The following TTLL5 variants were observed in gnomAD, a reference collection of about 807,000 sequenced individuals.
TTLL5 encodes tubulin tyrosine ligase like 5.
A neutral mutation model predicts 168.4 loss-of-function variants in TTLL5; 132 were observed. The observed-to-expected ratio is 0.78, with a 90% CI of 0.68 to 0.91. The LOEUF is 0.91. Ranked by LOEUF, TTLL5 falls within the 40% of genes least tolerant of loss-of-function variation. The pLI, the probability that TTLL5 is intolerant of heterozygous loss-of-function variation, is 0.00. For missense variants in TTLL5, 1,545 were observed against 1,581.5 expected, an observed-to-expected ratio of 0.98 and a Z score of 0.39; for synonymous variants, 546 against 558.6, an observed-to-expected ratio of 0.98 and a Z score of 0.32.
Position 75,820,042 on chromosome 14 carries a change from C to T in TTLL5, c.3207C>T (p.Asn1069=). 1 of 1,606,410 alleles carries T rather than the reference C, an allele frequency of 6.2e-7. No homozygotes were observed. Among genetic ancestry groups the T allele is most frequent in the South Asian group, 1.1e-5 (1 of 89,734 alleles). ...TNLNLATGII[N]RSSASAPPTL... ...TGAATTTGGCAACTGGCATCATAAA[C>T]AGAAGCAGTGCTTCAGCTCCCCCAA... is the stretch of plus-strand genomic sequence containing the variant. Residue 1069 remains asparagine, a synonymous_variant, in exon 28 of 32, where the codon AAC becomes AAT. Coordinates refer to ENST00000298832, the MANE Select transcript of TTLL5 (RefSeq NM_015072.5).
chr14:75,807,195 C>T (rs954296977), intron 27 of TTLL5, among the ~76,000 whole-genome samples: 7 of 152,138 alleles, frequency 4.6e-5, no homozygotes, highest in Non-Finnish European at 1.5e-5. Context: ...CTCCTATAAT[C>T]CCAGCACTTT....
intron 6 of TTLL5, among the ~76,000 whole-genome samples, chr14:75,692,766 G>T (rs948816946): frequency 1.2e-4 from 19 of 152,198 alleles, no homozygotes; most frequent in Admixed American, 3.9e-4. Flanking sequence ...TTTAACCAGG[G>T]AATGTAACCA....
At chr14:75,713,796 C>A (rs1024465579) in intron 9 of TTLL5, among the ~76,000 whole-genome samples, 2 of 152,154 alleles carry the variant, frequency 1.3e-5, no homozygotes, top group Middle Eastern at 3.2e-3. Flanking sequence ...GAGGCTTGAA[C>A]ATGTAGATTT....
At position 75,865,505 on chromosome 14, in the gene TTLL5, A is replaced by G. The variant is rs192166383; in HGVS notation, c.3522+1643A>G. Among the ~76,000 whole-genome samples, 240 of 152,142 alleles carry G rather than the reference A, an allele frequency of 1.6e-3. 1 individual carries two copies. The highest frequency in any genetic ancestry group is 5.6e-3 in the African/African-American group (232 of 41,512). On this transcript the variant is annotated intron_variant, in intron 29 of 31. Transcript: ENST00000298832. Reference sequence around the variant, plus strand: ...ATTTACCTTCATAACAAACCTGAGCATGCACCCCTGAGCCTAAAATACAAG... The same window carrying G: ...ATTTACCTTCATAACAAACCTGAGCGTGCACCCCTGAGCCTAAAATACAAG...
chr14:75,926,387 CATT>C (rs1352505632), intron 31 of TTLL5, among the ~76,000 whole-genome samples: 1 of 151,946 alleles, frequency 6.6e-6, no homozygotes, highest in African/African-American at 2.4e-5. Context: ...TTGATCCTGT[CATT>C]ATGATGTTAG....
intron 5 of TTLL5, 78 bp downstream of exon 5, chr14:75,683,734 G>A: frequency 1.8e-6 from 2 of 1,120,614 alleles, no homozygotes; most frequent in South Asian, 2.6e-5. Context: ...GGTAATTAGT[G>A]TCCTTAAAGA....
At chr14:75,922,016 G>T (rs1467134206) in intron 31 of TTLL5, among the ~76,000 whole-genome samples, 1 of 152,044 alleles carries the variant, frequency 6.6e-6, no homozygotes, top group African/African-American at 2.4e-5. Context: ...CTCATGATTT[G>T]GCTCTTTGTT....
intron 31 of TTLL5, among the ~76,000 whole-genome samples, chr14:75,911,152 C>T (rs553451219): frequency 3.5e-4 from 53 of 152,252 alleles, no homozygotes; most frequent in African/African-American, 7.5e-4. Flanking sequence ...CTTCGCCTCC[C>T]GAGTAGCTGG....
intron 21 of TTLL5, among the ~76,000 whole-genome samples, chr14:75,774,746 T>G (rs1382552606): frequency 6.6e-6 from 1 of 152,122 alleles, no homozygotes; most frequent in African/African-American, 2.4e-5. Flanking sequence ...TGGAGTGCCG[T>G]GGCATGATCT....
intron 15 of TTLL5, chr14:75,737,701 T>A: frequency 7.8e-7 from 1 of 1,281,618 alleles, no homozygotes; most frequent in Non-Finnish European, 1.1e-6. Context: ...GTACATATTT[T>A]TATGTACCTA....
chr14:75,731,963 G>A (rs1345806709), intron 12 of TTLL5, among the ~76,000 whole-genome samples: 2 of 151,264 alleles, frequency 1.3e-5, no homozygotes, highest in Admixed American at 1.3e-4. Context: ...CAGCAGTGTT[G>A]GTGTTGGTTG....
chr14:75,858,161 A>G (rs117971809), intron 28 of TTLL5, among the ~76,000 whole-genome samples: 2,348 of 152,290 alleles, frequency 0.015, 19 homozygotes, highest in South Asian at 0.027. Context: ...AGCCAATAGA[A>G]TCAAACATTT....
At chr14:75,889,152 C>G (rs11159154) in intron 30 of TTLL5, among the ~76,000 whole-genome samples, 1 of 152,104 alleles carries the variant, frequency 6.6e-6, no homozygotes, top group Non-Finnish European at 1.5e-5. Context: ...ATGAGAACTA[C>G]GTAAGTGAAA....
At chr14:75,713,215 G>A (rs1482085289) in intron 9 of TTLL5, among the ~76,000 whole-genome samples, 1 of 152,234 alleles carries the variant, frequency 6.6e-6, no homozygotes, top group Non-Finnish European at 1.5e-5. Flanking sequence ...TAATGGAGCT[G>A]AAAAATTTCT....
chr14:75,891,550 A>G (rs897286356), intron 30 of TTLL5, among the ~76,000 whole-genome samples: 3 of 152,162 alleles, frequency 2.0e-5, no homozygotes, highest in African/African-American at 4.8e-5. Flanking sequence ...GAGAGAAGGG[A>G]TAAACTCATT....
intron 26 of TTLL5, among the ~76,000 whole-genome samples, chr14:75,784,389 T>C (rs556351748): frequency 6.6e-6 from 1 of 152,258 alleles, no homozygotes; most frequent in Non-Finnish European, 1.5e-5. Context: ...CTTAGCATAA[T>C]GTTTTTCAGG....
At position 75,787,535 on chromosome 14, in the gene TTLL5, T is replaced by G. The variant is rs144627344; in HGVS notation, c.2986+4005T>G. ...AAAATGGAAACAACCACATGAAGAA[T>G]GTATAAATCCACTATCTTAGTGGGT... is the stretch of plus-strand genomic sequence containing the variant. On this transcript the variant is annotated intron_variant, in intron 26 of 31. Coordinates refer to ENST00000298832, the MANE Select transcript of TTLL5 (RefSeq NM_015072.5). Among the ~76,000 whole-genome samples, 337 of 152,354 alleles carry G rather than the reference T, an allele frequency of 2.2e-3. 1 individual carries two copies. The highest frequency in any genetic ancestry group is 7.6e-3 in the African/African-American group (318 of 41,582).
chr14:75,725,601 A>C (rs988608560), intron 12 of TTLL5, among the ~76,000 whole-genome samples: 1 of 152,192 alleles, frequency 6.6e-6, no homozygotes, highest in Admixed American at 6.5e-5. Context: ...CAAATTTGGG[A>C]GCCAGTTCTC....
At chr14:75,781,443 CTTTA>C (rs1892044102) in intron 24 of TTLL5, among the ~76,000 whole-genome samples, 1 of 152,070 alleles carries the variant, frequency 6.6e-6, no homozygotes, top group East Asian at 1.9e-4. Flanking sequence ...ATTCGTATGT[CTTTA>C]TTCTTTCACT....
Sources: gnomAD v4.1 joint callset for allele counts (sites outside exome capture counted in the v4.1 genomes callset) on GRCh38, gnomAD v4.1.1 for gene constraint, MANE v1.5 for transcripts, NCBI Gene and HGNC (gene_info 2026-07-23, HGNC 2026-07-21) for gene names.